Variants in AFG3L2 observed in about 807,000 individuals in gnomAD.
AFG3L2 encodes AFG3 like matrix AAA peptidase subunit 2, also known as mitochondrial inner membrane m-AAA protease component AFG3L2.
AFG3L2 carries 54 observed loss-of-function variants against 94.5 expected under a neutral mutation model. That is an observed-to-expected ratio of 0.57 (90% CI 0.46 to 0.72). The LOEUF (loss-of-function observed/expected upper bound fraction) is 0.72. Ranked by LOEUF, AFG3L2 falls within the 30% of genes least tolerant of loss-of-function variation. AFG3L2 has a pLI of 0.00. For missense variants in AFG3L2, 754 were observed against 994.9 expected, an observed-to-expected ratio of 0.76 and a Z score of 3.26; for synonymous variants, 377 against 365.5, an observed-to-expected ratio of 1.03 and a Z score of -0.36.
At position 12,364,250 on chromosome 18, in the gene AFG3L2, G is replaced by A. The variant is rs77222786; in HGVS notation, c.553-394C>T. Among the ~76,000 whole-genome samples, 114 of 152,192 alleles carry A rather than the reference G, an allele frequency of 7.5e-4. 4 individuals are homozygous for A. The East Asian group carries it at 0.02, about 27-fold the overall frequency. ...GAGGTTTACGCAAGCTGACACTTCC[G>A]TGCTGCAGGGTACGCCATGCTATGA... On this transcript the variant is annotated intron_variant, in intron 5 of 16. Coordinates refer to ENST00000269143, the MANE Select transcript of AFG3L2 (RefSeq NM_006796.3).
intron 14 of AFG3L2, chr18:12,340,814 CG>C (rs35185485): frequency 0.11 from 21,172 of 192,744 alleles, 1,261 homozygotes; most frequent in Middle Eastern, 0.17. Flanking sequence ...AGGCTGGTCT[CG>C]AACGCCTGAG....
At position 12,360,977 on chromosome 18, in the gene AFG3L2, T is replaced by C. The variant is rs182881920; in HGVS notation, c.628-926A>G. Among the ~76,000 whole-genome samples the C allele has an allele frequency of 1.4e-3, 206 of 152,346 alleles. 2 individuals are homozygous for C. Among genetic ancestry groups the C allele is most frequent in the African/African-American group, 4.1e-3 (170 of 41,578 alleles). The stretch of plus-strand genomic sequence containing the variant: ...CCCATTTCAAGCACTGTGCATGTAT[T>C]AGCTCCATTTTATAGTACAAAAAAA... On this transcript the variant is annotated intron_variant, in intron 6 of 16. Transcript: ENST00000269143.
At position 12,361,676 on chromosome 18, in the gene AFG3L2, A is replaced by G. The variant is rs138673835; in HGVS notation, c.628-1625T>C. Among the ~76,000 whole-genome samples the G allele has an allele frequency of 2.3e-3, 344 of 152,308 alleles. 1 individual carries two copies. The highest frequency in any genetic ancestry group is 8.0e-3 in the African/African-American group (332 of 41,576). ...AACAAACAAAAAAACAAAACCTCATAGAGAGCAACAAGTCATCGCATATCC... is the reference window on the plus strand; with the variant it reads ...AACAAACAAAAAAACAAAACCTCATGGAGAGCAACAAGTCATCGCATATCC... On this transcript the variant is annotated intron_variant, in intron 6 of 16. Coordinates refer to ENST00000269143, the MANE Select transcript of AFG3L2 (RefSeq NM_006796.3).
chr18:12,331,860 T>TAA (rs1907543365), intron 16 of AFG3L2, among the ~76,000 whole-genome samples: 22 of 141,210 alleles, frequency 1.6e-4, no homozygotes, highest in African/African-American at 5.9e-4. Context: ...TATATATATA[T>TAA]AAAACAAGGG....
chr18:12,335,715 C>G (rs1449881344), intron 16 of AFG3L2, among the ~76,000 whole-genome samples: 1 of 152,162 alleles, frequency 6.6e-6, no homozygotes, highest in Admixed American at 6.5e-5. Context: ...TCCTTCAGCT[C>G]TATGACCTGC....
At chr18:12,337,780 T>G (rs577237957) in intron 15 of AFG3L2, among the ~76,000 whole-genome samples, 1 of 150,696 alleles carries the variant, frequency 6.6e-6, no homozygotes, top group African/African-American at 2.4e-5. Flanking sequence ...ATTTCTCTCT[T>G]TTTTTTTTAG....
At chr18:12,359,723 C>A (rs983481393) in intron 7 of AFG3L2, among the ~76,000 whole-genome samples, 1 of 151,732 alleles carries the variant, frequency 6.6e-6, no homozygotes, top group African/African-American at 2.4e-5. Flanking sequence ...GCCTGGGCGA[C>A]AGAGCGAAAC....
chr18:12,334,988 A>C (rs1423063073), intron 16 of AFG3L2, among the ~76,000 whole-genome samples: 1 of 152,218 alleles, frequency 6.6e-6, no homozygotes, highest in Non-Finnish European at 1.5e-5. Flanking sequence ...CATTATGCCA[A>C]GGGGAAAAGT....
rs946575036 is a variant in AFG3L2 at position 12,376,961 on chromosome 18, G to A, written c.114+8C>T. The A allele has an allele frequency of 6.2e-6, 9 of 1,450,994 alleles. No individual in the cohort carries two copies. The highest frequency in any genetic ancestry group is 8.1e-6 in the Non-Finnish European group (9 of 1,104,766). 89.9% of individuals were successfully genotyped at this position (1,450,994 alleles called of 1,614,324 possible). The stretch of plus-strand genomic sequence containing the variant: ...GTGGAGGGCGCCGGGCGCCCAGGTA[G>A]GACTCACCGTCCGGAGGCAGGGCTG... On this transcript the variant is annotated splice_region_variant and intron_variant, in intron 1 of 16. Coordinates refer to ENST00000269143, the MANE Select transcript of AFG3L2 (RefSeq NM_006796.3).
chr18:12,377,180 G>A lies in AFG3L2; in HGVS notation c.-98C>T. ...AGCGGGCTCGGCTCGGGGAAAGGCC[G>A]CCAGGCAGCGAAGCGCGCCGGCGGC... is the stretch of plus-strand genomic sequence containing the variant. On this transcript the variant is annotated 5_prime_UTR_variant, in exon 1 of 17. Coordinates refer to ENST00000269143, the MANE Select transcript of AFG3L2 (RefSeq NM_006796.3). 1.0e-6 allele frequency: 1 copy of A among 958,496 alleles called. No homozygotes were observed. Among genetic ancestry groups the A allele is most frequent in the Non-Finnish European group, 1.5e-6 (1 of 673,424 alleles). The allele number at this position is 958,496 out of a possible 1,614,324, so 59.4% of individuals were successfully genotyped here.
At chr18:12,348,136 G>A in intron 13 of AFG3L2, 137 bp downstream of exon 13, 1 of 743,178 alleles carries the variant, frequency 1.3e-6, no homozygotes, top group Non-Finnish European at 2.4e-6. Context: ...ATGACACCAA[G>A]AGAGCACAAA....
intron 3 of AFG3L2, 34 bp from the exon 4 acceptor site, chr18:12,367,416 G>T: frequency 6.2e-7 from 1 of 1,601,594 alleles, no homozygotes. Flanking sequence ...ACAGAAGCAC[G>T]GCAAGGTTTT....
intron 6 of AFG3L2, among the ~76,000 whole-genome samples, chr18:12,362,861 G>C (rs1234263191): frequency 1.4e-5 from 2 of 146,672 alleles, no homozygotes; most frequent in Non-Finnish European, 2.9e-5. Context: ...GGATGGGTGT[G>C]TGTGTGCTTC....
At chr18:12,366,846 G>GA (rs1908822070) in intron 5 of AFG3L2, 119 bp downstream of exon 5, 1 of 1,413,226 alleles carries the variant, frequency 7.1e-7, no homozygotes, top group Non-Finnish European at 1.0e-6. Flanking sequence ...AAATCTGAGT[G>GA]AAAATAACAA....
At chr18:12,339,819 A>G (rs1479036020) in intron 15 of AFG3L2, among the ~76,000 whole-genome samples, 7 of 147,690 alleles carry the variant, frequency 4.7e-5, no homozygotes, top group African/African-American at 1.2e-4. Context: ...ACTGCACTCC[A>G]GCCTGGGCAA....
chr18:12,367,450 G>A, intron 3 of AFG3L2, 68 bp from the exon 4 acceptor site: 1 of 1,418,304 alleles, frequency 7.1e-7, no homozygotes, highest in Non-Finnish European at 9.9e-7. Context: ...ATGTCTTCAT[G>A]TATACGGTTT....
chr18:12,356,245 G>C (rs2143183838), intron 9 of AFG3L2, among the ~76,000 whole-genome samples: 1 of 151,248 alleles, frequency 6.6e-6, no homozygotes, highest in African/African-American at 2.4e-5. Flanking sequence ...TCTGCCGCCT[G>C]GGTTCAAGAG....
chr18:12,338,412 T>C (rs764922098), intron 15 of AFG3L2, among the ~76,000 whole-genome samples: 8 of 152,148 alleles, frequency 5.3e-5, no homozygotes, highest in Admixed American at 2.0e-4. Context: ...ACTGAGTCCA[T>C]GGGGCCCAGG....
chr18:12,335,923 G>A (rs1013764046), intron 16 of AFG3L2, among the ~76,000 whole-genome samples: 1 of 152,130 alleles, frequency 6.6e-6, no homozygotes, highest in Non-Finnish European at 1.5e-5. Flanking sequence ...GGTTATAGTC[G>A]GCTTCTTGAA....
Sources: gnomAD v4.1 joint callset for allele counts (sites outside exome capture counted in the v4.1 genomes callset) on GRCh38, gnomAD v4.1.1 for gene constraint, MANE v1.5 for transcripts, NCBI Gene and HGNC (gene_info 2026-07-23, HGNC 2026-07-21) for gene names.